Variants in THSD7B observed in about 807,000 individuals in gnomAD.
The protein encoded by THSD7B is thrombospondin type-1 domain-containing protein 7B.
THSD7B carries 138 observed loss-of-function variants against 213.6 expected under a neutral mutation model. That is an observed-to-expected ratio of 0.65 (90% CI 0.56 to 0.74). THSD7B has a LOEUF of 0.74. Ranked by LOEUF, THSD7B falls within the 30% of genes least tolerant of loss-of-function variation. THSD7B has a pLI of 0.00. For synonymous variants in THSD7B, 742 were observed against 687.0 expected (o/e 1.08, Z -1.25); for missense variants, 1,931 against 1,991.5 (o/e 0.97, Z 0.58).
chr2:137,398,744 T>TGGGC (rs1385689812), intron 12 of THSD7B, among the ~76,000 whole-genome samples: 1 of 152,186 alleles, frequency 6.6e-6, no homozygotes, highest in Non-Finnish European at 1.5e-5. Context: ...TGGGCAATGG[T>TGGGC]GGGCGCCCCT....
intron 3 of THSD7B, among the ~76,000 whole-genome samples, chr2:137,074,240 A>C (rs1257407737): frequency 2.6e-5 from 4 of 152,140 alleles, no homozygotes; most frequent in African/African-American, 9.6e-5. Flanking sequence ...GTAGGTCACT[A>C]AGGACTTGCT....
chr2:137,502,379 CAG>C (rs1679731065), intron 15 of THSD7B, among the ~76,000 whole-genome samples: 1 of 151,670 alleles, frequency 6.6e-6, no homozygotes, highest in Non-Finnish European at 1.5e-5. Context: ...GAGAGAGAGA[CAG>C]ATACAGAGAT....
intron 12 of THSD7B, among the ~76,000 whole-genome samples, chr2:137,328,001 C>T (rs77915870): frequency 0.045 from 6,803 of 152,142 alleles, 185 homozygotes; most frequent in Non-Finnish European, 0.061. Flanking sequence ...ATTACAAAGC[C>T]GTTGCAATGT....
chr2:137,476,738 C>T (rs1688202588), intron 15 of THSD7B, among the ~76,000 whole-genome samples: 2 of 152,130 alleles, frequency 1.3e-5, no homozygotes, highest in South Asian at 4.1e-4. Context: ...CGGGGTTTTA[C>T]CATGTTGGCC....
At chr2:137,429,442 T>C (rs181910240) in intron 14 of THSD7B, among the ~76,000 whole-genome samples, 23 of 152,304 alleles carry the variant, frequency 1.5e-4, no homozygotes, top group African/African-American at 4.8e-4. Flanking sequence ...ACGTATTATT[T>C]ATGTGTGTGT....
Position 136,882,265 on chromosome 2 carries a change from C to A in THSD7B, c.87C>A (p.Ser29=). The change falls in exon 2 of 28, where the codon TCC becomes TCA. Residue 29 remains serine (S), a synonymous_variant. Coordinates refer to ENST00000409968, the MANE Select transcript of THSD7B (RefSeq NM_001316349.2). Reference sequence around the variant, plus strand: ...TTCTATTGCTTTCTCTCTTGCTGTCCCATGCAGCTCATTTGGAAGGCAAAA... The same window carrying A: ...TTCTATTGCTTTCTCTCTTGCTGTCACATGCAGCTCATTTGGAAGGCAAAA... ...KLFLLLSLLL[S]HAAHLEGKKD... The A allele has an allele frequency of 6.5e-7, 1 of 1,544,534 alleles. No individual in the cohort carries two copies. The highest frequency in any genetic ancestry group is 8.7e-7 in the Non-Finnish European group (1 of 1,144,384).
intron 6 of THSD7B, among the ~76,000 whole-genome samples, chr2:137,167,943 G>A (rs894371651): frequency 2.6e-5 from 4 of 152,148 alleles, no homozygotes; most frequent in African/African-American, 9.7e-5. Flanking sequence ...CTTGTGAGGA[G>A]GCAATGACTC....
At chr2:136,791,701 T>A (rs1349203374) in intron 1 of THSD7B, among the ~76,000 whole-genome samples, 7 of 152,112 alleles carry the variant, frequency 4.6e-5, no homozygotes, top group Non-Finnish European at 1.0e-4. Context: ...AAGGTACATC[T>A]GTGTTCATGA....
At chr2:136,842,217 A>G (rs1682930902) in intron 1 of THSD7B, among the ~76,000 whole-genome samples, 1 of 152,188 alleles carries the variant, frequency 6.6e-6, no homozygotes, top group Admixed American at 6.5e-5. Flanking sequence ...AGCATTTCTC[A>G]TTGTTAACTT....
At chr2:137,239,954 G>A (rs369450539) in intron 9 of THSD7B, among the ~76,000 whole-genome samples, 10 of 152,282 alleles carry the variant, frequency 6.6e-5, no homozygotes, top group African/African-American at 2.4e-4. Flanking sequence ...AACACAGAGA[G>A]GAAACCAGCT....
At chr2:136,979,845 T>C (rs1685543959) in intron 2 of THSD7B, among the ~76,000 whole-genome samples, 1 of 152,178 alleles carries the variant, frequency 6.6e-6, no homozygotes, top group Admixed American at 6.5e-5. Flanking sequence ...GAAGAGACAC[T>C]CTTGCTTTTT....
intron 2 of THSD7B, among the ~76,000 whole-genome samples, chr2:137,055,492 G>A (rs562960194): frequency 6.6e-6 from 1 of 152,102 alleles, no homozygotes; most frequent in South Asian, 2.1e-4. Context: ...ATTACTTACT[G>A]TCCTTGTGAA....
intron 17 of THSD7B, among the ~76,000 whole-genome samples, chr2:137,582,767 C>A (rs1298352316): frequency 1.3e-5 from 2 of 152,106 alleles, no homozygotes; most frequent in Admixed American, 1.3e-4. Flanking sequence ...GGTTCCAAGT[C>A]TTTGCTCTTG....
chr2:137,113,344 A>C (rs960302231), intron 4 of THSD7B, among the ~76,000 whole-genome samples: 5 of 152,302 alleles, frequency 3.3e-5, no homozygotes, highest in South Asian at 2.1e-4. Context: ...CTGGAAAAGA[A>C]CTATCCCTGT....
chr2:137,674,018 T>A (rs1261675108), intron 27 of THSD7B, among the ~76,000 whole-genome samples: 2 of 152,160 alleles, frequency 1.3e-5, no homozygotes, highest in African/African-American at 4.8e-5. Context: ...ACATGGTAAG[T>A]GGTATAAACA....
At chr2:137,259,823 T>C (rs11897714) in intron 10 of THSD7B, among the ~76,000 whole-genome samples, 95,646 of 152,014 alleles carry the variant, frequency 0.63, 30,795 homozygotes, top group East Asian at 0.95. Context: ...ATTTCTAGAA[T>C]GGTATCCTCT....
At chr2:137,589,645 T>C (rs192480945) in intron 17 of THSD7B, among the ~76,000 whole-genome samples, 24 of 152,342 alleles carry the variant, frequency 1.6e-4, no homozygotes, top group Admixed American at 3.9e-4. Context: ...CATTTGCTCT[T>C]GCATATTTGG....
chr2:137,572,074 A>T (rs928453008), intron 16 of THSD7B, among the ~76,000 whole-genome samples: 27 of 152,196 alleles, frequency 1.8e-4, no homozygotes, highest in Non-Finnish European at 3.2e-4. Flanking sequence ...AATAAAAAGA[A>T]TATGCACTCA....
intron 15 of THSD7B, among the ~76,000 whole-genome samples, chr2:137,518,663 A>T (rs1680120374): frequency 6.6e-6 from 1 of 151,948 alleles, no homozygotes; most frequent in Non-Finnish European, 1.5e-5. Context: ...TGTGGACACC[A>T]CTCATCCTTT....
Sources: gnomAD v4.1 joint callset for allele counts (sites outside exome capture counted in the v4.1 genomes callset) on GRCh38, gnomAD v4.1.1 for gene constraint, MANE v1.5 for transcripts, NCBI Gene and HGNC (gene_info 2026-07-23, HGNC 2026-07-21) for gene names.